ALCAM: variants seen among roughly 807,000 people sequenced by gnomAD.
ALCAM encodes the protein CD166 antigen.
A neutral mutation model predicts 70.9 loss-of-function variants in ALCAM; 30 were observed. That is an observed-to-expected ratio of 0.42 (90% confidence interval 0.32 to 0.57). The LOEUF (loss-of-function observed/expected upper bound fraction) is 0.57, where lower values mean the gene tolerates loss of function less well. ALCAM is among the 20% of genes least tolerant of loss of function. The pLI is 0.11. For missense variants in ALCAM, 591 were observed against 695.1 expected, an observed-to-expected ratio of 0.85 and a Z score of 1.68; for synonymous variants, 249 against 242.5, an observed-to-expected ratio of 1.03 and a Z score of -0.25.
intron 1 of ALCAM, among the ~76,000 whole-genome samples, chr3:105,462,134 A>C (rs1200849359): frequency 6.6e-6 from 1 of 151,740 alleles, no homozygotes; most frequent in East Asian, 1.9e-4. Context: ...AAAGCTAATA[A>C]AAATTTAGAA....
Position 105,521,307 on chromosome 3 carries a change from C to CAAAAA in ALCAM, c.174+1161_174+1165dup, listed in dbSNP as rs3996196. ...TGGGCGACAGAGCGAGACTCCGTCT[C>CAAAAA]AAAAAAAAAAAAAAAAAAAAAAAAA... On this transcript the variant is annotated intron_variant, in intron 2 of 15. Coordinates refer to ENST00000306107, the MANE Select transcript of ALCAM (RefSeq NM_001627.4). 2.7e-3 allele frequency among the ~76,000 whole-genome samples: 214 copies of CAAAAA among 78,132 alleles called. 6 individuals carry two copies. Among genetic ancestry groups the CAAAAA allele is most frequent in the Middle Eastern group, 0.018 (2 of 110 alleles). 51.3% of individuals were successfully genotyped at this position (78,132 alleles called of 152,430 possible).
chr3:105,546,440 C>T (rs1428036726), intron 9 of ALCAM, among the ~76,000 whole-genome samples: 1 of 151,406 alleles, frequency 6.6e-6, no homozygotes, highest in Non-Finnish European at 1.5e-5. Context: ...CTTTCAGCCA[C>T]AGCCTCATCA....
chr3:105,469,912 C>G (rs1937873620), intron 1 of ALCAM, among the ~76,000 whole-genome samples: 1 of 150,780 alleles, frequency 6.6e-6, no homozygotes, highest in South Asian at 2.1e-4. Flanking sequence ...AATTCCCTGG[C>G]TTACTTCACC....
At chr3:105,544,121 C>T (rs1174688616) in intron 8 of ALCAM, among the ~76,000 whole-genome samples, 1 of 151,646 alleles carries the variant, frequency 6.6e-6, no homozygotes, top group Non-Finnish European at 1.5e-5. Flanking sequence ...TACTGTAGAA[C>T]AAAGACACAA....
At chr3:105,456,406 T>A (rs935242029) in intron 1 of ALCAM, among the ~76,000 whole-genome samples, 1 of 152,206 alleles carries the variant, frequency 6.6e-6, no homozygotes, top group Admixed American at 6.5e-5. Flanking sequence ...CACTAATAAG[T>A]TAATCACAAA....
At chr3:105,494,375 G>A (rs980900610) in intron 1 of ALCAM, among the ~76,000 whole-genome samples, 7 of 152,074 alleles carry the variant, frequency 4.6e-5, no homozygotes, top group African/African-American at 1.7e-4. Flanking sequence ...CTGTTATATT[G>A]TAGAATATAA....
At chr3:105,387,775 T>C (rs1237763256) in intron 1 of ALCAM, among the ~76,000 whole-genome samples, 1 of 151,492 alleles carries the variant, frequency 6.6e-6, no homozygotes, top group Non-Finnish European at 1.5e-5. Context: ...GTCCTGCCTT[T>C]ACCAGCAGCC....
chr3:105,497,084 A>T (rs917975663), intron 1 of ALCAM, among the ~76,000 whole-genome samples: 19 of 152,148 alleles, frequency 1.2e-4, no homozygotes, highest in African/African-American at 4.6e-4. Context: ...GGTACCCTTA[A>T]GGAAAAGAAT....
chr3:105,504,552 C>T (rs1452631943), intron 1 of ALCAM, among the ~76,000 whole-genome samples: 3 of 71,372 alleles, frequency 4.2e-5, no homozygotes, highest in Non-Finnish European at 5.8e-5. Flanking sequence ...CCGCCAACTC[C>T]GCGTCTGTTT....
intron 1 of ALCAM, among the ~76,000 whole-genome samples, chr3:105,442,445 A>AG (rs1333092072): frequency 9.9e-5 from 15 of 152,188 alleles, no homozygotes; most frequent in Admixed American, 9.8e-4. Flanking sequence ...AATATTTGAG[A>AG]GAAAAAAAGA....
At chr3:105,562,561 G>T (rs187665444) in intron 14 of ALCAM, among the ~76,000 whole-genome samples, 111 of 152,020 alleles carry the variant, frequency 7.3e-4, no homozygotes, top group Non-Finnish European at 1.4e-3. Flanking sequence ...CAATTCTTTT[G>T]TCTATGTTCA....
intron 14 of ALCAM, among the ~76,000 whole-genome samples, chr3:105,563,636 TG>T: frequency 6.8e-6 from 1 of 148,122 alleles, no homozygotes; most frequent in South Asian, 2.1e-4. Context: ...TGAAGTCAAG[TG>T]ACTAGACCTG....
At position 105,524,360 on chromosome 3, in the gene ALCAM, T is replaced by C. The variant is rs150607806; in HGVS notation, c.246T>C (p.Asp82=). Residue 82 remains aspartate, a synonymous_variant, in exon 3 of 16, where the codon GAT becomes GAC. Transcript: ENST00000306107. ...CAAAGAAAAGTGTGCAGTACGACGA[T>C]GTACCAGAATACAAAGACAGATTGA... ...SSTKKSVQYD[D]VPEYKDRLNL... is the part of the protein sequence containing the mutation. 3,229 of 1,614,128 alleles carry C rather than the reference T, an allele frequency of 2.0e-3. 4 individuals are homozygous for C. The highest frequency in any genetic ancestry group is 2.3e-3 in the Admixed American group (141 of 60,032).
intron 1 of ALCAM, among the ~76,000 whole-genome samples, chr3:105,475,455 G>T (rs377397794): frequency 2.0e-5 from 3 of 152,064 alleles, no homozygotes; most frequent in East Asian, 3.9e-4. Context: ...TTGTGTACTT[G>T]CTTGAAACTA....
chr3:105,441,726 C>T (rs909725640), intron 1 of ALCAM, among the ~76,000 whole-genome samples: 2 of 152,068 alleles, frequency 1.3e-5, no homozygotes, highest in African/African-American at 4.8e-5. Flanking sequence ...CATTCTTTTC[C>T]TCTGTAATGG....
intron 6 of ALCAM, among the ~76,000 whole-genome samples, chr3:105,535,637 A>G (rs971635026): frequency 6.6e-6 from 1 of 152,176 alleles, no homozygotes; most frequent in African/African-American, 2.4e-5. Context: ...ATAGCATGCT[A>G]CATCACACAT....
chr3:105,452,917 GTTGT>G (rs1439458577), intron 1 of ALCAM, among the ~76,000 whole-genome samples: 1 of 147,114 alleles, frequency 6.8e-6, no homozygotes, highest in Non-Finnish European at 1.5e-5. Context: ...TTTTGATGGG[GTTGT>G]TTGTTTTTTC....
intron 12 of ALCAM, among the ~76,000 whole-genome samples, chr3:105,550,594 T>G (rs1331121092): frequency 6.6e-6 from 1 of 151,554 alleles, no homozygotes; most frequent in Non-Finnish European, 1.5e-5. Flanking sequence ...AAGATCATCT[T>G]AAAACATTTT....
At chr3:105,423,117 G>A (rs772376901) in intron 1 of ALCAM, among the ~76,000 whole-genome samples, 13 of 151,530 alleles carry the variant, frequency 8.6e-5, no homozygotes, top group Non-Finnish European at 1.2e-4. Flanking sequence ...TTCCTGTAAT[G>A]TAGATGGTGA....
Sources: allele counts gnomAD v4.1 joint callset (sites outside exome capture counted in the v4.1 genomes callset), GRCh38; gene constraint gnomAD v4.1.1; transcripts MANE v1.5; gene names NCBI Gene and HGNC (gene_info 2026-07-23, HGNC 2026-07-21).